Variants in DLGAP2 observed in about 807,000 individuals in gnomAD.
DLGAP2 encodes the protein DLG associated protein 2.
DLGAP2 carries 26 observed loss-of-function variants against 100.3 expected under a neutral mutation model. The observed-to-expected ratio is 0.26, with a 90% CI of 0.19 to 0.36. The LOEUF (loss-of-function observed/expected upper bound fraction) is 0.36. Among genes scored for constraint, DLGAP2 ranks in the 10% least tolerant of loss-of-function variants. The pLI, the probability that DLGAP2 is intolerant of heterozygous loss-of-function variation, is 1.00. For missense variants in DLGAP2, 1,858 were observed against 1,453.2 expected (o/e 1.28, Z -4.53); for synonymous variants, 886 against 630.1 (o/e 1.41, Z -6.08).
At chr8:1,635,768 T>A (rs1797751470) in intron 8 of DLGAP2, among the ~76,000 whole-genome samples, 1 of 152,212 alleles carries the variant, frequency 6.6e-6, no homozygotes, top group African/African-American at 2.4e-5. Context: ...ATATTGAATA[T>A]ATGCATGAAA....
chr8:765,811 A>G (rs959454440), intron 1 of DLGAP2, among the ~76,000 whole-genome samples: 1 of 152,124 alleles, frequency 6.6e-6, no homozygotes, highest in African/African-American at 2.4e-5. Context: ...ACACGCGATG[A>G]TGCACACACA....
intron 4 of DLGAP2, among the ~76,000 whole-genome samples, chr8:1,501,643 C>T (rs181529620): frequency 6.6e-6 from 1 of 152,234 alleles, no homozygotes; most frequent in Admixed American, 6.5e-5. Flanking sequence ...CTGCTCCTGG[C>T]CCTCAGGAAC....
chr8:1,498,391 A>T (rs1304324430), intron 3 of DLGAP2, among the ~76,000 whole-genome samples: 1 of 151,920 alleles, frequency 6.6e-6, no homozygotes, highest in Non-Finnish European at 1.5e-5. Context: ...AAAAAAAAAA[A>T]ATTACACATT....
At chr8:1,416,706 A>C (rs1796895524) in intron 3 of DLGAP2, among the ~76,000 whole-genome samples, 1 of 152,160 alleles carries the variant, frequency 6.6e-6, no homozygotes, top group Admixed American at 6.5e-5. Flanking sequence ...TTAATAAGTA[A>C]AACAAGGAAT....
chr8:1,287,556 G>A (rs1449975950), intron 3 of DLGAP2, among the ~76,000 whole-genome samples: 1 of 124,244 alleles, frequency 8.0e-6, no homozygotes, highest in Non-Finnish European at 1.7e-5. Flanking sequence ...TGTGTGTGTG[G>A]TTCTGTTCGG....
intron 3 of DLGAP2, among the ~76,000 whole-genome samples, chr8:1,434,050 G>A (rs1797543286): frequency 6.6e-6 from 1 of 152,156 alleles, no homozygotes; most frequent in African/African-American, 2.4e-5. Flanking sequence ...TTTTTGCGAA[G>A]TCCCAGAAAT....
At position 778,286 on chromosome 8, in the gene DLGAP2, T is replaced by C. The variant is rs188827401; in HGVS notation, c.18+40461T>C. On this transcript the variant is annotated intron_variant, in intron 1 of 14. Coordinates refer to ENST00000637795, the MANE Select transcript of DLGAP2 (RefSeq NM_001346810.2). ...AAGTTTTCAACTTCTTTACCTTTGG[T>C]TTGCGTGTCCTCTCGTAGCTCAGAG... Among the ~76,000 whole-genome samples, 187 of 152,340 alleles carry C rather than the reference T, an allele frequency of 1.2e-3. 2 individuals carry two copies. The highest frequency in any genetic ancestry group is 4.4e-3 in the African/African-American group (184 of 41,588).
intron 2 of DLGAP2, among the ~76,000 whole-genome samples, chr8:932,050 A>T (rs1226147841): frequency 6.6e-6 from 1 of 152,178 alleles, no homozygotes; most frequent in Admixed American, 6.5e-5. Flanking sequence ...CCTTCTAGGA[A>T]ATATTGCAGC....
At chr8:1,031,706 T>A (rs1801976892) in intron 2 of DLGAP2, among the ~76,000 whole-genome samples, 3 of 152,180 alleles carry the variant, frequency 2.0e-5, no homozygotes, top group Non-Finnish European at 2.9e-5. Context: ...GGAAAAAAAA[T>A]AATGACCCCT....
chr8:1,632,741 G>T, intron 7 of DLGAP2, 86 bp from the exon 8 acceptor site: 1 of 1,359,678 alleles, frequency 7.4e-7, no homozygotes. Context: ...AGGCAGCCTG[G>T]GAATGAGCGC....
intron 1 of DLGAP2, among the ~76,000 whole-genome samples, chr8:846,431 C>T (rs1390107996): frequency 1.3e-5 from 2 of 152,188 alleles, no homozygotes; most frequent in Admixed American, 6.5e-5. Flanking sequence ...AACATATGTC[C>T]TTTATATTCA....
chr8:1,487,854 G>C (rs1799269722), intron 3 of DLGAP2, among the ~76,000 whole-genome samples: 1 of 152,160 alleles, frequency 6.6e-6, no homozygotes, highest in African/African-American at 2.4e-5. Context: ...GTACGTGGTG[G>C]CCCCTTTACC....
intron 1 of DLGAP2, among the ~76,000 whole-genome samples, chr8:903,820 T>A (rs926537514): frequency 6.6e-6 from 1 of 152,222 alleles, no homozygotes; most frequent in Non-Finnish European, 1.5e-5. Flanking sequence ...ACATTTCTGT[T>A]AAGTCACCTG....
intron 4 of DLGAP2, among the ~76,000 whole-genome samples, chr8:1,536,078 G>A (rs1455548862): frequency 2.0e-5 from 3 of 152,222 alleles, no homozygotes; most frequent in Non-Finnish European, 2.9e-5. Context: ...TAAACCGTTT[G>A]TGACAGTCAA....
intron 2 of DLGAP2, chr8:1,246,735 A>C (rs1210590370): frequency 1.3e-5 from 2 of 152,300 alleles, no homozygotes; most frequent in East Asian, 1.9e-4. Context: ...TGGCATCGCC[A>C]CGCAAGGGAC....
chr8:1,655,915 C>T (rs922344270), intron 8 of DLGAP2, among the ~76,000 whole-genome samples: 4 of 152,238 alleles, frequency 2.6e-5, no homozygotes, highest in South Asian at 4.1e-4. Context: ...AGACGTTCCA[C>T]GCTTAGGCAG....
intron 2 of DLGAP2, among the ~76,000 whole-genome samples, chr8:1,069,935 C>G (rs1039967122): frequency 2.6e-5 from 4 of 152,200 alleles, no homozygotes; most frequent in Non-Finnish European, 4.4e-5. Context: ...AACCCCCTCC[C>G]CAAAGCTGCG....
At chr8:1,248,268 T>C (rs111321947) in intron 2 of DLGAP2, among the ~76,000 whole-genome samples, 327 of 1,988 alleles carry the variant, frequency 0.16, 51 homozygotes, top group African/African-American at 0.24. Context: ...TGATGGTCCA[T>C]GTCGGTGGCC....
intron 2 of DLGAP2, among the ~76,000 whole-genome samples, chr8:1,155,914 G>A (rs1052994097): frequency 1.3e-5 from 2 of 152,214 alleles, no homozygotes; most frequent in Admixed American, 6.5e-5. Context: ...AGTATGCAGA[G>A]GCCGAGGGAG....
Sources: allele counts gnomAD v4.1 joint callset (sites outside exome capture counted in the v4.1 genomes callset), GRCh38; gene constraint gnomAD v4.1.1; transcripts MANE v1.5; gene names NCBI Gene and HGNC (gene_info 2026-07-23, HGNC 2026-07-21).